MAPK8IP3: variants seen among roughly 807,000 people sequenced by gnomAD.
MAPK8IP3 encodes the protein C-Jun-amino-terminal kinase-interacting protein 3.
A neutral mutation model predicts 157.8 loss-of-function variants in MAPK8IP3; 49 were observed. The ratio of observed to expected loss-of-function variants is 0.31; its 90% confidence interval spans 0.25 to 0.39. MAPK8IP3 has a LOEUF of 0.39. Ranked by LOEUF, MAPK8IP3 falls within the 10% of genes least tolerant of loss-of-function variation. The probability of loss-of-function intolerance (pLI) is 1.00; values close to 1 mark genes in which losing one functional copy is unlikely to be tolerated. For missense variants in MAPK8IP3, 1,478 were observed against 1,889.4 expected, an observed-to-expected ratio of 0.78 and a Z score of 4.04; for synonymous variants, 897 against 777.7, an observed-to-expected ratio of 1.15 and a Z score of -2.55.
chr16:1,760,118 C>A, intron 11 of MAPK8IP3, 103 bp downstream of exon 11: 2 of 1,252,854 alleles, frequency 1.6e-6, no homozygotes, highest in Non-Finnish European at 1.2e-6. Context: ...CACCTGGCTC[C>A]AACGCCAGCA....
intron 8 of MAPK8IP3, among the ~76,000 whole-genome samples, chr16:1,755,923 C>T (rs1245642039): frequency 3.3e-5 from 5 of 150,718 alleles, no homozygotes; most frequent in East Asian, 1.9e-4. Flanking sequence ...TGCTCAATTT[C>T]GGAAATAATA....
At chr16:1,731,886 C>T (rs1047328185) in intron 4 of MAPK8IP3, among the ~76,000 whole-genome samples, 1 of 152,138 alleles carries the variant, frequency 6.6e-6, no homozygotes, top group Non-Finnish European at 1.5e-5. Flanking sequence ...TGGATGAGCC[C>T]AGGAGCCTTG....
chr16:1,743,195 A>C lies in MAPK8IP3; in HGVS notation c.603-137A>C. ...GAAGCGCCACGTAGGATCATAACTG[A>C]GTAGCTGCTCGAGCTGGGCTGCTGG... On this transcript the variant is annotated intron_variant, in intron 4 of 31. Coordinates refer to ENST00000610761, the MANE Select transcript of MAPK8IP3 (RefSeq NM_001318852.2). The surrounding 1 kb of genome is among the most constrained non-coding windows in gnomAD (Gnocchi z 5.6). 2.4e-6 allele frequency: 3 copies of C among 1,235,302 alleles called. No homozygotes were observed. Among genetic ancestry groups the C allele is most frequent in the Non-Finnish European group, 3.2e-6 (3 of 941,546 alleles). 76.5% of individuals were successfully genotyped at this position (1,235,302 alleles called of 1,614,324 possible).
intron 14 of MAPK8IP3, 61 bp downstream of exon 14, chr16:1,762,542 C>G (rs996376189): frequency 6.3e-7 from 1 of 1,598,690 alleles, no homozygotes; most frequent in Admixed American, 1.7e-5. Context: ...AGGACTGCGG[C>G]TCCCTCCTCT....
At chr16:1,762,004 C>G (rs1018875511) in intron 13 of MAPK8IP3, among the ~76,000 whole-genome samples, 1 of 152,188 alleles carries the variant, frequency 6.6e-6, no homozygotes, top group Non-Finnish European at 1.5e-5. Context: ...GGGGACTCGC[C>G]GGCTGTTCTG....
intron 2 of MAPK8IP3, among the ~76,000 whole-genome samples, chr16:1,725,399 G>A (rs964632726): frequency 6.0e-5 from 9 of 149,642 alleles, no homozygotes; most frequent in African/African-American, 9.8e-5. Context: ...AGGCCAAGGC[G>A]GGTGGATCAC....
chr16:1,739,030 G>C (rs111208274), intron 4 of MAPK8IP3, among the ~76,000 whole-genome samples: 22,940 of 111,796 alleles, frequency 0.21, 2,357 homozygotes, highest in East Asian at 0.33. Context: ...ATCTGTGTGA[G>C]CGTCCGTGTG....
At position 1,724,301 on chromosome 16, in the gene MAPK8IP3, C is replaced by T. The variant is rs974257568; in HGVS notation, c.319-256C>T. ...AGGCTCCCTTCACAGCAAATCCTCCCGGGAGAGGAGGGTGCAATCATGCAG... is the reference window on the plus strand; with the variant it reads ...AGGCTCCCTTCACAGCAAATCCTCCTGGGAGAGGAGGGTGCAATCATGCAG... On this transcript the variant is annotated intron_variant, in intron 1 of 31. Coordinates refer to ENST00000610761, the MANE Select transcript of MAPK8IP3 (RefSeq NM_001318852.2). The surrounding 1 kb of genome is among the most constrained non-coding windows in gnomAD (Gnocchi z 4.1). Among the ~76,000 whole-genome samples the T allele has an allele frequency of 3.9e-5, 6 of 152,242 alleles. No individual in the cohort carries two copies. The highest frequency in any genetic ancestry group is 7.3e-5 in the Non-Finnish European group (5 of 68,044).
chr16:1,741,207 G>A lies in MAPK8IP3; in HGVS notation c.603-2125G>A, dbSNP rs2040656363. Among the ~76,000 whole-genome samples, 1 of 152,204 alleles carries A rather than the reference G, an allele frequency of 6.6e-6. No homozygotes were observed. Among genetic ancestry groups the A allele is most frequent in the South Asian group, 2.1e-4 (1 of 4,836 alleles). ...ACCCCCGAGGGTGGCGTGACCCCTGGGGGTGGTGGTCTCTGAACTAGGGAG... is the reference window on the plus strand; with the variant it reads ...ACCCCCGAGGGTGGCGTGACCCCTGAGGGTGGTGGTCTCTGAACTAGGGAG... On this transcript the variant is annotated intron_variant, in intron 4 of 31. Transcript: ENST00000610761. This position sits in a 1 kb window ranked among gnomAD's most constrained non-coding sequence, Gnocchi z 6.9.
rs1014971629 is a variant in MAPK8IP3, at chr16:1,751,100, G to A, written c.1216+2380G>A. Among the ~76,000 whole-genome samples, 13 of 152,150 alleles carry A rather than the reference G, an allele frequency of 8.5e-5. No homozygotes were observed. Among genetic ancestry groups the A allele is most frequent in the Admixed American group, 2.6e-4 (4 of 15,276 alleles). ...CGTGGGTGGCAGCACTGACGGGCACGGCCACCGTCGGTCCTTACTGCAGCA... is the reference window on the plus strand; with the variant it reads ...CGTGGGTGGCAGCACTGACGGGCACAGCCACCGTCGGTCCTTACTGCAGCA... On this transcript the variant is annotated intron_variant, in intron 8 of 31. Coordinates refer to ENST00000610761, the MANE Select transcript of MAPK8IP3 (RefSeq NM_001318852.2). This position sits in a 1 kb window ranked among gnomAD's most constrained non-coding sequence, Gnocchi z 5.0.
Position 1,717,235 on chromosome 16 carries a change from C to CA in MAPK8IP3, c.319-7303dup, listed in dbSNP as rs1169533483. On this transcript the variant is annotated intron_variant, in intron 1 of 31. Coordinates refer to ENST00000610761, the MANE Select transcript of MAPK8IP3 (RefSeq NM_001318852.2). ...TGGGTGACGGAGTAAAACTCCATCT[C>CA]AAAAAAAAAAAAAAAAAAAGAAAGA... Among the ~76,000 whole-genome samples, 595 of 60,036 alleles carry CA rather than the reference C, an allele frequency of 9.9e-3. 3 individuals are homozygous for CA. The highest frequency in any genetic ancestry group is 0.018 in the East Asian group (35 of 1,898). 39.4% of individuals were successfully genotyped at this position (60,036 alleles called of 152,430 possible).
Position 1,770,334 on chromosome 16 carries a change from C to T in MAPK8IP3, c.*1510C>T, listed in dbSNP as rs930943094. The T allele has an allele frequency of 6.2e-6, 2 of 324,064 alleles. No homozygotes were observed. The highest frequency in any genetic ancestry group is 4.6e-5 in the Admixed American group (1 of 21,792). 20.1% of individuals were successfully genotyped at this position (324,064 alleles called of 1,614,324 possible). On this transcript the variant is annotated 3_prime_UTR_variant, in exon 32 of 32. Coordinates refer to ENST00000610761, the MANE Select transcript of MAPK8IP3 (RefSeq NM_001318852.2). ...AACGTCGTAGCTGCCTGTTCCTGGG[C>T]CCAAATCGAAACGAAAACGAGGACT...
At chr16:1,729,310 C>G in intron 3 of MAPK8IP3, 102 bp downstream of exon 3, 1 of 1,400,128 alleles carries the variant, frequency 7.1e-7, no homozygotes, top group Non-Finnish European at 1.0e-6. Context: ...TGGCATGTCC[C>G]TTTTCTAGCA....
At chr16:1,748,133 G>T in intron 6 of MAPK8IP3, 111 bp from the exon 7 acceptor site, 1 of 756,692 alleles carries the variant, frequency 1.3e-6, no homozygotes, top group East Asian at 2.5e-5. Context: ...TCCCCACCTA[G>T]CAGGTGGTCC....
chr16:1,743,192 C>T lies in MAPK8IP3; in HGVS notation c.603-140C>T. ...GGGGAAGCGCCACGTAGGATCATAA[C>T]TGAGTAGCTGCTCGAGCTGGGCTGC... On this transcript the variant is annotated intron_variant, in intron 4 of 31. Coordinates refer to ENST00000610761, the MANE Select transcript of MAPK8IP3 (RefSeq NM_001318852.2). The surrounding 1 kb of genome is among the most constrained non-coding windows in gnomAD (Gnocchi z 5.6). 2.5e-6 allele frequency: 3 copies of T among 1,214,360 alleles called. No homozygotes were observed. The highest frequency in any genetic ancestry group is 2.2e-6 in the Non-Finnish European group (2 of 924,324). The allele number at this position is 1,214,360 out of a possible 1,614,324, so 75.2% of individuals were successfully genotyped here.
chr16:1,760,250 C>T lies in MAPK8IP3; in HGVS notation c.1305-130C>T, dbSNP rs73501663. 5,850 of 1,222,514 alleles carry T rather than the reference C, an allele frequency of 4.8e-3. 214 individuals carry two copies. The African/African-American group carries it at 0.075, about 16-fold the overall frequency. The allele number at this position is 1,222,514 out of a possible 1,614,324, so 75.7% of individuals were successfully genotyped here. The stretch of plus-strand genomic sequence containing the variant: ...GGTTTAGCTAAGATGGGGATGGGGT[C>T]TCCCATTCAGCCACCTTCCTAACCA... On this transcript the variant is annotated intron_variant, in intron 11 of 31. Transcript: ENST00000610761.
chr16:1,764,870 C>T (rs767068160), intron 19 of MAPK8IP3, 143 bp from the exon 20 acceptor site: 1 of 779,032 alleles, frequency 1.3e-6, no homozygotes, highest in Non-Finnish European at 2.0e-6. Flanking sequence ...CCGCATTGTT[C>T]TGGTCCTGGG....
At chr16:1,732,995 C>T (rs752738076) in intron 4 of MAPK8IP3, among the ~76,000 whole-genome samples, 2 of 152,266 alleles carry the variant, frequency 1.3e-5, no homozygotes, top group Non-Finnish European at 2.9e-5. Context: ...GCTCCCGTCT[C>T]GTGGCATGCA....
chr16:1,755,364 G>C (rs918559841), intron 8 of MAPK8IP3, among the ~76,000 whole-genome samples: 2 of 152,134 alleles, frequency 1.3e-5, no homozygotes, highest in African/African-American at 2.4e-5. Context: ...ACACAATTAC[G>C]AGGACAACAG....
Sources: allele counts gnomAD v4.1 joint callset (sites outside exome capture counted in the v4.1 genomes callset), GRCh38; gene constraint gnomAD v4.1.1; non-coding constraint Gnocchi (gnomAD v3.1); transcripts MANE v1.5; gene names NCBI Gene and HGNC (gene_info 2026-07-23, HGNC 2026-07-21).